METTL4: variants seen among roughly 807,000 people sequenced by gnomAD.
The protein encoded by METTL4 is N(6)-adenine-specific methyltransferase METTL4.
In METTL4, 40 loss-of-function variants were observed where a neutral mutation model predicts 54.0. The ratio of observed to expected loss-of-function variants is 0.74; its 90% confidence interval spans 0.58 to 0.96. The LOEUF (loss-of-function observed/expected upper bound fraction) is 0.96, where lower values mean the gene tolerates loss of function less well. METTL4 is among the 50% of genes least tolerant of loss of function. The pLI, the probability that METTL4 is intolerant of heterozygous loss-of-function variation, is 0.00. For missense variants in METTL4, 525 were observed against 549.0 expected (o/e 0.96, Z 0.44); for synonymous variants, 169 against 183.8 (o/e 0.92, Z 0.65).
At position 2,567,062 on chromosome 18, in the gene METTL4, G is replaced by C; in HGVS notation, c.155C>G (p.Ser52Cys). The C allele has an allele frequency of 6.2e-7, 1 of 1,614,124 alleles. No homozygotes were observed. The highest frequency in any genetic ancestry group is 8.5e-7 in the Non-Finnish European group (1 of 1,180,008). ...AGCACAGACTCCAGAGGAGGACACA[G>C]AATCCATTTGAAGAGACTCAAAGTG... ...SVHFESLQMD[S>C]VSSSGVCAAF... The change falls in exon 2 of 9, where the codon TCT becomes TGT. Residue 52 changes from serine (S) to cysteine (C), a missense_variant. Ser to Cys is a moderately radical substitution (Grantham distance 112). Transcript: ENST00000574538.
In METTL4 at chr18:2,539,079, G is replaced by A. The variant is rs748272153; in HGVS notation, c.1340C>T (p.Pro447Leu). 1.9e-6 allele frequency: 3 copies of A among 1,613,776 alleles called. No individual in the cohort carries two copies. The highest frequency in any genetic ancestry group is 2.5e-6 in the Non-Finnish European group (3 of 1,179,768). ...TTCATTGCCCCAACTAGTCCAACCT[G>A]GCTGTAAATTTCGAGCAAACAACTC... ...YLELFARNLQ[P>L]GWTSWGNEVL... The change falls in exon 9 of 9, where the codon CCA becomes CTA. Residue 447 changes from proline to leucine, a missense_variant. Transcript: ENST00000574538.
chr18:2,558,263 G>A (rs968562337), intron 3 of METTL4, among the ~76,000 whole-genome samples: 6 of 152,066 alleles, frequency 3.9e-5, no homozygotes, highest in African/African-American at 9.7e-5. Flanking sequence ...AATCCCAAGC[G>A]TATGTTCTAT....
chr18:2,567,904 A>G (rs1238477622), intron 1 of METTL4, among the ~76,000 whole-genome samples: 2 of 152,264 alleles, frequency 1.3e-5, no homozygotes, highest in Non-Finnish European at 2.9e-5. Flanking sequence ...CAATTTTACC[A>G]GCACATCAGA....
At chr18:2,547,279 G>A in intron 6 of METTL4, 76 bp downstream of exon 6, 1 of 1,205,570 alleles carries the variant, frequency 8.3e-7, no homozygotes, top group Non-Finnish European at 1.1e-6. Flanking sequence ...GACATGTTGA[G>A]CATTACAAAG....
chr18:2,543,683 A>G (rs2072027652), intron 8 of METTL4, among the ~76,000 whole-genome samples: 1 of 152,212 alleles, frequency 6.6e-6, no homozygotes, highest in South Asian at 2.1e-4. Context: ...TAAACATTAT[A>G]CTAAAGCATT....
chr18:2,545,715 A>T (rs1331882720), intron 6 of METTL4, among the ~76,000 whole-genome samples: 1 of 152,132 alleles, frequency 6.6e-6, no homozygotes, highest in African/African-American at 2.4e-5. Context: ...AAAGTCTTTT[A>T]TCTCCTCTAG....
chr18:2,553,572 C>T (rs2072194064), intron 4 of METTL4: 1 of 152,104 alleles, frequency 6.6e-6, no homozygotes, highest in African/African-American at 2.4e-5. Context: ...AATATCCTGT[C>T]TCATCTTTTC....
intron 8 of METTL4, chr18:2,540,057 T>G (rs1227636381): frequency 3.1e-6 from 3 of 978,230 alleles, no homozygotes; most frequent in Non-Finnish European, 3.6e-6. Flanking sequence ...ATCATGGTAC[T>G]TCCACAGTTA....
chr18:2,546,013 T>A (rs1052080282), intron 6 of METTL4, among the ~76,000 whole-genome samples: 2 of 152,130 alleles, frequency 1.3e-5, no homozygotes, highest in Non-Finnish European at 2.9e-5. Context: ...TTGGTCCCAG[T>A]TTCTGACTAT....
At chr18:2,560,706 T>C (rs957697548) in intron 3 of METTL4, among the ~76,000 whole-genome samples, 2 of 152,020 alleles carry the variant, frequency 1.3e-5, no homozygotes, top group Non-Finnish European at 2.9e-5. Context: ...TGAAACCCCG[T>C]GTCTACTAAA....
At chr18:2,570,197 C>T (rs140872922) in intron 1 of METTL4, among the ~76,000 whole-genome samples, 1 of 152,238 alleles carries the variant, frequency 6.6e-6, no homozygotes, top group South Asian at 2.1e-4. Context: ...ATGTGACAAC[C>T]GGAACCAAAA....
intron 3 of METTL4, 118 bp downstream of exon 3, chr18:2,563,679 T>A: frequency 1.7e-6 from 1 of 587,820 alleles, no homozygotes; most frequent in Non-Finnish European, 2.9e-6. Flanking sequence ...TATTAAGTGC[T>A]AAGCCTGATC....
At chr18:2,561,805 T>C (rs1053747326) in intron 3 of METTL4, 1 of 152,242 alleles carries the variant, frequency 6.6e-6, no homozygotes, top group African/African-American at 2.4e-5. Context: ...TTCTATTCTC[T>C]AATTTCATGT....
At chr18:2,570,268 G>T (rs748494602) in intron 1 of METTL4, among the ~76,000 whole-genome samples, 1 of 152,216 alleles carries the variant, frequency 6.6e-6, no homozygotes, top group Non-Finnish European at 1.5e-5. Context: ...ATCCTCAGCA[G>T]GGATTAAGAA....
rs186914356 is a variant in METTL4 at position 2,544,306 on chromosome 18, A to C, written c.1182-20T>G. On this transcript the variant is annotated intron_variant, in intron 7 of 8. Coordinates refer to ENST00000574538, the MANE Select transcript of METTL4 (RefSeq NM_022840.5). ...GCATTCCTAATTAAACAGAACAAGA[A>C]AGTAAACTATATTTTAAAAAACAAT... 2.6e-6 allele frequency: 4 copies of C among 1,564,344 alleles called. No homozygotes were observed. The highest frequency in any genetic ancestry group is 3.5e-6 in the Non-Finnish European group (4 of 1,148,392).
At chr18:2,543,520 A>G (rs2072025456) in intron 8 of METTL4, among the ~76,000 whole-genome samples, 1 of 152,214 alleles carries the variant, frequency 6.6e-6, no homozygotes, top group Non-Finnish European at 1.5e-5. Context: ...CTAGAGGACT[A>G]AATATCATTA....
intron 3 of METTL4, among the ~76,000 whole-genome samples, chr18:2,555,661 A>C (rs184248147): frequency 1.3e-5 from 2 of 152,214 alleles, no homozygotes; most frequent in Non-Finnish European, 2.9e-5. Flanking sequence ...ATATAAACAA[A>C]GTTTTATAAA....
At chr18:2,548,650 C>T (rs998406869) in intron 5 of METTL4, among the ~76,000 whole-genome samples, 1 of 152,214 alleles carries the variant, frequency 6.6e-6, no homozygotes, top group Non-Finnish European at 1.5e-5. Context: ...CCTGTCATCA[C>T]TCACACTTGC....
intron 8 of METTL4, among the ~76,000 whole-genome samples, chr18:2,541,089 T>G (rs1326988197): frequency 6.6e-6 from 1 of 152,248 alleles, no homozygotes; most frequent in Non-Finnish European, 1.5e-5. Context: ...AGTAAGTTTT[T>G]GCATGGTTCT....
Sources: gnomAD v4.1 joint callset for allele counts (sites outside exome capture counted in the v4.1 genomes callset) on GRCh38, gnomAD v4.1.1 for gene constraint, MANE v1.5 for transcripts, NCBI Gene and HGNC (gene_info 2026-07-23, HGNC 2026-07-21) for gene names.